The following SRP19 variants were observed in gnomAD, a reference collection of about 807,000 sequenced individuals.
SRP19 encodes signal recognition particle 19.
Under a neutral mutation model 22.4 loss-of-function variants are expected in SRP19, and 11 were observed. The observed-to-expected ratio is 0.49, with a 90% CI of 0.31 to 0.81. The LOEUF is 0.81. Ranked by LOEUF, SRP19 falls within the 40% of genes least tolerant of loss-of-function variation. The probability of loss-of-function intolerance (pLI) is 0.05; values close to 1 mark genes in which losing one functional copy is unlikely to be tolerated. For missense variants in SRP19, 168 were observed against 175.9 expected (o/e 0.96, Z 0.25); for synonymous variants, 61 against 57.6 (o/e 1.06, Z -0.27).
chr5:112,891,272 C>T (rs1768436819), intron 4 of SRP19, among the ~76,000 whole-genome samples: 1 of 151,946 alleles, frequency 6.6e-6, no homozygotes, highest in African/African-American at 2.4e-5. Flanking sequence ...GAGTTTTTGC[C>T]ATGTTGGCCA....
At chr5:112,886,880 TA>T in intron 4 of SRP19, 2 of 605,520 alleles carry the variant, frequency 3.3e-6, no homozygotes, top group Non-Finnish European at 5.6e-6. Flanking sequence ...AAAGACTTTG[TA>T]AAGAAATCCC....
Position 112,867,430 on chromosome 5 carries a change from G to A in SRP19, c.328G>A (p.Glu110Lys). 1 of 1,613,888 alleles carries A rather than the reference G, an allele frequency of 6.2e-7. No individual in the cohort carries two copies. The highest frequency in any genetic ancestry group is 8.5e-7 in the Non-Finnish European group (1 of 1,179,870). ...SRKSVMLYAA[E>K]MIPKLKTRTQ... ...TAAGTCAGTAATGTTGTATGCAGCA[G>A]AAATGATACCTAAACTAAAAACAAG... Residue 110 changes from glutamate (E) to lysine (K), a missense_variant, in exon 5 of 5, where the codon GAA becomes AAA. Transcript: ENST00000505459.
chr5:112,885,791 G>A (rs1355873765), intron 4 of SRP19: 1 of 239,662 alleles, frequency 4.2e-6, no homozygotes, highest in African/African-American at 2.3e-5. Context: ...GTCTGAGACA[G>A]AGAGCCAAGC....
At chr5:112,883,323 C>T (rs905859596) in intron 4 of SRP19, among the ~76,000 whole-genome samples, 1 of 152,120 alleles carries the variant, frequency 6.6e-6, no homozygotes, top group Non-Finnish European at 1.5e-5. Flanking sequence ...ATCACTAGTA[C>T]CTTCCTCATT....
At chr5:112,880,653 A>T (rs1768043798) in intron 4 of SRP19, among the ~76,000 whole-genome samples, 2 of 152,204 alleles carry the variant, frequency 1.3e-5, no homozygotes, top group Admixed American at 1.3e-4. Flanking sequence ...CTCCTAACTT[A>T]TTTTAATTCT....
chr5:112,872,422 G>A (rs1174886553), downstream of SRP19, among the ~76,000 whole-genome samples: 2 of 143,950 alleles, frequency 1.4e-5, no homozygotes, highest in African/African-American at 5.1e-5. Context: ...TCTGCCTCCC[G>A]GGTTCAAGGG....
chr5:112,884,571 C>A (rs867360747), intron 4 of SRP19, among the ~76,000 whole-genome samples: 1 of 151,802 alleles, frequency 6.6e-6, no homozygotes, highest in African/African-American at 2.4e-5. Flanking sequence ...GAGAGCGGGT[C>A]TCCATAGGAG....
exon 5 of SRP19, chr5:112,892,629 C>G (rs1353883383): frequency 7.4e-6 from 12 of 1,614,136 alleles, no homozygotes; most frequent in Non-Finnish European, 1.0e-5. Flanking sequence ...GAGGAAAACA[C>G]TGCAACTTTC....
At chr5:112,883,511 T>C (rs1315296733) in intron 4 of SRP19, among the ~76,000 whole-genome samples, 1 of 152,238 alleles carries the variant, frequency 6.6e-6, no homozygotes, top group Admixed American at 6.5e-5. Flanking sequence ...GCTTTGCTAG[T>C]TGCTTCTCAT....
At chr5:112,863,620 T>C (rs1020207747) in intron 2 of SRP19, among the ~76,000 whole-genome samples, 4 of 152,174 alleles carry the variant, frequency 2.6e-5, no homozygotes, top group African/African-American at 9.7e-5. Context: ...GTCTCCTCTA[T>C]AGTATCGCAT....
chr5:112,881,496 C>G (rs968601956), intron 4 of SRP19, among the ~76,000 whole-genome samples: 1 of 152,176 alleles, frequency 6.6e-6, no homozygotes, highest in Non-Finnish European at 1.5e-5. Flanking sequence ...CGAATGTTTC[C>G]TTTACCTTCT....
downstream of SRP19, among the ~76,000 whole-genome samples, chr5:112,872,448 C>T (rs1767780349): frequency 1.3e-5 from 2 of 151,654 alleles, no homozygotes; most frequent in South Asian, 4.2e-4. Flanking sequence ...TCTGCCTCAG[C>T]CTCCCCAGTG....
chr5:112,865,134 T>G (rs1441672023), intron 4 of SRP19: 5 of 154,682 alleles, frequency 3.2e-5, no homozygotes, highest in Admixed American at 3.2e-4. Context: ...CAATATTGAC[T>G]GAAAAAAGCA....
At chr5:112,870,206 G>T (rs144929798), downstream of SRP19, among the ~76,000 whole-genome samples, 93 of 152,274 alleles carry the variant, frequency 6.1e-4, 1 homozygote, top group East Asian at 0.017. Context: ...TGCATACTGG[G>T]TCAGGTACAG....
chr5:112,882,384 C>T (rs189974951), intron 4 of SRP19, among the ~76,000 whole-genome samples: 2 of 152,296 alleles, frequency 1.3e-5, no homozygotes, highest in Admixed American at 1.3e-4. Flanking sequence ...CCACCACTTC[C>T]CACCTTACTC....
chr5:112,891,820 C>A (rs1211064830), exon 5 of SRP19: 2 of 1,584,210 alleles, frequency 1.3e-6, no homozygotes, highest in South Asian at 1.1e-5. Context: ...TATTGAAGAA[C>A]AACAACTAGA....
downstream of SRP19, chr5:112,869,860 TGC>T (rs1294404215): frequency 6.6e-6 from 1 of 152,346 alleles, no homozygotes; most frequent in African/African-American, 2.4e-5. Context: ...TTCCCAGCAA[TGC>T]GGAACTGTGA....
rs771222930 is a variant in SRP19, at chr5:112,862,554, G to T, written c.88G>T (p.Ala30Ser). The part of the protein sequence containing the change: ...PAYLNNKKTI[A>S]EGRRIPISKA... Reference sequence around the variant, plus strand: ...TTATTTAAATAATAAGAAGACCATCGCAGAGGGAAGGCGAATCCCCATAAG... The same window carrying T: ...TTATTTAAATAATAAGAAGACCATCTCAGAGGGAAGGCGAATCCCCATAAG... Residue 30 changes from alanine to serine, a missense_variant, in exon 2 of 5, where the codon GCA becomes TCA. Coordinates refer to ENST00000505459, the MANE Select transcript of SRP19 (RefSeq NM_003135.3). The T allele has an allele frequency of 1.2e-6, 2 of 1,613,754 alleles. No homozygotes were observed. The highest frequency in any genetic ancestry group is 2.7e-5 in the African/African-American group (2 of 74,882).
chr5:112,878,205 A>C (rs1767956631), intron 4 of SRP19: 1 of 152,890 alleles, frequency 6.5e-6, no homozygotes. Flanking sequence ...AGTAGACCAC[A>C]CCAGCACAAT....
Sources: allele counts gnomAD v4.1 joint callset (sites outside exome capture counted in the v4.1 genomes callset), GRCh38; gene constraint gnomAD v4.1.1; transcripts MANE v1.5; gene names NCBI Gene and HGNC (gene_info 2026-07-23, HGNC 2026-07-21).